GALNT16: variants seen among roughly 807,000 people sequenced by gnomAD.
GALNT16 encodes the protein polypeptide N-acetylgalactosaminyltransferase 16.
In GALNT16, 40 loss-of-function variants were observed where a neutral mutation model predicts 76.1. That is an observed-to-expected ratio of 0.53 (90% CI 0.41 to 0.68). The LOEUF is 0.68. Among genes scored for constraint, GALNT16 ranks in the 30% least tolerant of loss-of-function variants. The probability of loss-of-function intolerance (pLI) is 0.00; values close to 1 mark genes in which losing one functional copy is unlikely to be tolerated. For synonymous variants in GALNT16, 276 were observed against 285.2 expected (o/e 0.97, Z 0.32); for missense variants, 621 against 731.9 (o/e 0.85, Z 1.75).
intron 1 of GALNT16, among the ~76,000 whole-genome samples, chr14:69,311,524 C>T (rs1178768046): frequency 6.6e-6 from 1 of 152,190 alleles, no homozygotes; most frequent in Non-Finnish European, 1.5e-5. Context: ...TTCCCCTCTC[C>T]CTTTTCCTTA....
the GALNT16 span, among the ~76,000 whole-genome samples, chr14:69,374,909 C>T: frequency 6.6e-6 from 1 of 152,096 alleles, no homozygotes; most frequent in African/African-American, 2.4e-5. Context: ...ACTTTTATGA[C>T]AAGACCACTC....
At chr14:69,316,184 A>C (rs2045098264) in intron 1 of GALNT16, among the ~76,000 whole-genome samples, 1 of 152,228 alleles carries the variant, frequency 6.6e-6, no homozygotes, top group South Asian at 2.1e-4. Flanking sequence ...AAGATCTCCA[A>C]GACAGGCAAA....
At chr14:69,276,818 T>C (rs2044477629) in intron 1 of GALNT16, among the ~76,000 whole-genome samples, 1 of 152,258 alleles carries the variant, frequency 6.6e-6, no homozygotes, top group African/African-American at 2.4e-5. Flanking sequence ...TTTTAAAGCA[T>C]GTTTAAAGTA....
rs568119085 is a variant in GALNT16 at position 69,323,319 on chromosome 14, C to T, written c.336-1373C>T. On this transcript the variant is annotated intron_variant, in intron 2 of 14. Coordinates refer to ENST00000448469, the MANE Select transcript of GALNT16 (RefSeq NM_001168368.2). The stretch of plus-strand genomic sequence containing the variant: ...CTGGCTCCTGGGAGCCAGATAAACC[C>T]CCATGCTAAGTAACATCAATCCCAG... Among the ~76,000 whole-genome samples, 279 of 152,294 alleles carry T rather than the reference C, an allele frequency of 1.8e-3. 2 individuals are homozygous for T. Among genetic ancestry groups the T allele is most frequent in the African/African-American group, 6.3e-3 (261 of 41,572 alleles).
intron 1 of GALNT16, among the ~76,000 whole-genome samples, chr14:69,285,058 T>TTTTG (rs2044592814): frequency 6.8e-6 from 1 of 148,026 alleles, no homozygotes; most frequent in Admixed American, 6.8e-5. Flanking sequence ...TTTTTTTTTT[T>TTTTG]GAGACGGAGT....
chr14:69,276,488 C>T (rs1051060795), intron 1 of GALNT16, among the ~76,000 whole-genome samples: 30 of 152,102 alleles, frequency 2.0e-4, no homozygotes, highest in African/African-American at 7.2e-4. Flanking sequence ...CGAGACCATC[C>T]TGGCCAACAT....
intron 1 of GALNT16, among the ~76,000 whole-genome samples, chr14:69,306,643 T>A (rs1413853437): frequency 6.6e-6 from 1 of 152,234 alleles, no homozygotes; most frequent in Non-Finnish European, 1.5e-5. Flanking sequence ...GTCTATAAGT[T>A]GAATCATGAT....
chr14:69,289,910 GT>G (rs909029363), intron 1 of GALNT16, among the ~76,000 whole-genome samples: 11 of 151,340 alleles, frequency 7.3e-5, no homozygotes, highest in African/African-American at 2.7e-4. Flanking sequence ...ATTTTTTTTT[GT>G]TTTTTTTAAT....
chr14:69,357,622 G>A (rs2045702152), downstream of GALNT16: 2 of 152,258 alleles, frequency 1.3e-5, no homozygotes, highest in African/African-American at 4.8e-5. Flanking sequence ...TACTCATGGT[G>A]GAGGCGTTCC....
the GALNT16 span, among the ~76,000 whole-genome samples, chr14:69,382,439 C>G: frequency 6.6e-6 from 1 of 152,144 alleles, no homozygotes; most frequent in Non-Finnish European, 1.5e-5. Context: ...ATTATCATAT[C>G]TGGGTGGGAC....
At chr14:69,337,404 C>T (rs1203029073) in intron 9 of GALNT16, among the ~76,000 whole-genome samples, 1 of 152,200 alleles carries the variant, frequency 6.6e-6, no homozygotes, top group Non-Finnish European at 1.5e-5. Context: ...ATGGTTACTG[C>T]TATTGTTATG....
At chr14:69,263,856 C>T (rs1420313582) in intron 1 of GALNT16, among the ~76,000 whole-genome samples, 2 of 152,222 alleles carry the variant, frequency 1.3e-5, no homozygotes, top group Admixed American at 6.5e-5. Flanking sequence ...TGGCTGCTTA[C>T]GATGCGGCAA....
chr14:69,283,401 T>C (rs1018896221), intron 1 of GALNT16, among the ~76,000 whole-genome samples: 1 of 152,200 alleles, frequency 6.6e-6, no homozygotes, highest in Admixed American at 6.5e-5. Context: ...GCAGTTTCTT[T>C]GCTCACTTGG....
At chr14:69,272,886 T>TGGATAGGCTGGATATAACA (rs1413804296) in intron 1 of GALNT16, among the ~76,000 whole-genome samples, 1 of 152,240 alleles carries the variant, frequency 6.6e-6, no homozygotes, top group Admixed American at 6.5e-5. Context: ...TATAGCCTAG[T>TGGATAGGCTGGATATAACA]TGTGCTGGAG....
chr14:69,286,409 T>C (rs1449859542), intron 1 of GALNT16, among the ~76,000 whole-genome samples: 1 of 151,806 alleles, frequency 6.6e-6, no homozygotes, highest in African/African-American at 2.4e-5. Context: ...TTTCAAGTGA[T>C]TCTCCTGCCT....
Position 69,352,275 on chromosome 14 carries a change from C to T in GALNT16, c.*107C>T. The T allele has an allele frequency of 9.8e-7, 1 of 1,016,486 alleles. No individual in the cohort carries two copies. The highest frequency in any genetic ancestry group is 2.9e-5 in the Admixed American group (1 of 34,538). 63.0% of individuals were successfully genotyped at this position (1,016,486 alleles called of 1,614,324 possible). A position where few individuals can be genotyped will look rare whatever the true frequency, so the allele number is the denominator to read the frequency against. On this transcript the variant is annotated 3_prime_UTR_variant, in exon 15 of 15. Transcript: ENST00000448469. Reference sequence around the variant, plus strand: ...CTGTTCCCATCTCCTCACATTTCTGCCAGGACCATCAGCAAATACCCACCA... The same window carrying T: ...CTGTTCCCATCTCCTCACATTTCTGTCAGGACCATCAGCAAATACCCACCA...
intron 1 of GALNT16, among the ~76,000 whole-genome samples, chr14:69,305,383 G>A (rs903995930): frequency 3.3e-5 from 5 of 152,120 alleles, no homozygotes; most frequent in South Asian, 2.1e-4. Flanking sequence ...GGCTGGTCTC[G>A]AACTCCTGAC....
At position 69,347,032 on chromosome 14, in the gene GALNT16, T is replaced by C; in HGVS notation, c.1272-8T>C. On this transcript the variant is annotated splice_polypyrimidine_tract_variant and splice_region_variant and intron_variant, in intron 12 of 14. Coordinates refer to ENST00000448469, the MANE Select transcript of GALNT16 (RefSeq NM_001168368.2). ...AAGCACAAGCCTGACTGCTGCCTTT[T>C]CTCTCAGGGTCCCCGTGAAGGAAGC... is the stretch of plus-strand genomic sequence containing the variant. The C allele has an allele frequency of 6.2e-7, 1 of 1,614,022 alleles. No homozygotes were observed. The highest frequency in any genetic ancestry group is 1.1e-5 in the South Asian group (1 of 91,078).
At chr14:69,367,105 T>C in the GALNT16 span, among the ~76,000 whole-genome samples, 2 of 152,086 alleles carry the variant, frequency 1.3e-5, no homozygotes, top group South Asian at 4.1e-4. Context: ...ACTTGTGGAA[T>C]CGCAAGAAGT....
Sources: allele counts gnomAD v4.1 joint callset (sites outside exome capture counted in the v4.1 genomes callset), GRCh38; gene constraint gnomAD v4.1.1; transcripts MANE v1.5; gene names NCBI Gene and HGNC (gene_info 2026-07-23, HGNC 2026-07-21).